KCNQ1: variants seen among roughly 807,000 people sequenced by gnomAD.
KCNQ1 encodes the protein potassium voltage-gated channel subfamily KQT member 1.
KCNQ1 carries 49 observed loss-of-function variants against 72.4 expected under a neutral mutation model. The ratio of observed to expected loss-of-function variants is 0.68; its 90% confidence interval spans 0.54 to 0.86. The LOEUF is 0.86. Among genes scored for constraint, KCNQ1 ranks in the 40% least tolerant of loss-of-function variants. The probability of loss-of-function intolerance (pLI) is 0.00; values close to 1 mark genes in which losing one functional copy is unlikely to be tolerated. For synonymous variants in KCNQ1, 450 were observed against 412.6 expected, an observed-to-expected ratio of 1.09 and a Z score of -1.10; for missense variants, 790 against 945.1, an observed-to-expected ratio of 0.84 and a Z score of 2.15.
rs1847942673 is a variant in KCNQ1, at chr11:2,549,184, C to T, written c.477+21166C>T. On this transcript the variant is annotated intron_variant, in intron 2 of 15. Coordinates refer to ENST00000155840, the MANE Select transcript of KCNQ1 (RefSeq NM_000218.3). This position sits in a 1 kb window ranked among gnomAD's most constrained non-coding sequence, Gnocchi z 6.2. ...AAATGATGATGTCTCAACCATGTGG[C>T]TTTAGGTCCCCAGCACGTGCTAGTG... 6.6e-6 allele frequency among the ~76,000 whole-genome samples: 1 copy of T among 152,174 alleles called. No homozygotes were observed. The highest frequency in any genetic ancestry group is 2.4e-5 in the African/African-American group (1 of 41,432).
intron 13 of KCNQ1, 43 bp downstream of exon 13, chr11:2,776,097 GC>G (rs755056715): frequency 6.8e-7 from 1 of 1,462,784 alleles, no homozygotes. Context: ...CCCAGGTCCT[GC>G]CCAGCCCGGC....
chr11:2,618,650 C>T (rs1849111599), intron 10 of KCNQ1: 1 of 398,476 alleles, frequency 2.5e-6, no homozygotes, highest in Admixed American at 4.4e-5. Flanking sequence ...TTTTTCAGAA[C>T]AGAATTTTCA....
intron 15 of KCNQ1, among the ~76,000 whole-genome samples, chr11:2,846,683 G>C (rs187756463): frequency 6.6e-6 from 1 of 152,358 alleles, no homozygotes; most frequent in East Asian, 1.9e-4. Flanking sequence ...GGGCCTTCCA[G>C]TCTCCCCATC....
At chr11:2,791,832 G>T (rs1177078183) in intron 15 of KCNQ1, among the ~76,000 whole-genome samples, 1 of 152,206 alleles carries the variant, frequency 6.6e-6, no homozygotes, top group African/African-American at 2.4e-5. Context: ...CCCTGGCTCC[G>T]AGCCCGCAGG....
intron 2 of KCNQ1, among the ~76,000 whole-genome samples, chr11:2,555,914 A>G (rs544301281): frequency 6.6e-6 from 1 of 152,194 alleles, no homozygotes; most frequent in Non-Finnish European, 1.5e-5. Context: ...GAGAAGCTTC[A>G]GGCCCTGAGG....
At chr11:2,587,816 T>G in intron 9 of KCNQ1, 124 bp downstream of exon 9, 1 of 1,368,738 alleles carries the variant, frequency 7.3e-7, no homozygotes, top group Non-Finnish European at 1.0e-6. Context: ...TGTCAGGGAG[T>G]CAGCATCGTT....
chr11:2,655,940 C>G (rs1300693748), intron 10 of KCNQ1: 1 of 398,592 alleles, frequency 2.5e-6, no homozygotes. Context: ...AGCACACATT[C>G]CTCTCTGGCA....
Position 2,468,870 on chromosome 11 carries a change from C to T in KCNQ1, c.386+23386C>T, listed in dbSNP as rs533189390. Among the ~76,000 whole-genome samples the T allele has an allele frequency of 1.3e-4, 20 of 151,822 alleles. No individual in the cohort carries two copies. The East Asian group carries it at 1.8e-3, about 13-fold the overall frequency. ...GCTAGGAATAGCTGGAGTCTCTGTG[C>T]GAGCAAATGCTTTTGCTTCTCTTGT... On this transcript the variant is annotated intron_variant, in intron 1 of 15. Coordinates refer to ENST00000155840, the MANE Select transcript of KCNQ1 (RefSeq NM_000218.3). This position sits in a 1 kb window ranked among gnomAD's most constrained non-coding sequence, Gnocchi z 5.7.
intron 10 of KCNQ1, chr11:2,640,478 G>C (rs1046249034): frequency 2.5e-6 from 1 of 398,232 alleles, no homozygotes; most frequent in Non-Finnish European, 4.4e-6. Context: ...TAGAGACAGG[G>C]TCGTGCATTG....
At chr11:2,794,300 C>G (rs551139948) in intron 15 of KCNQ1, among the ~76,000 whole-genome samples, 7 of 152,224 alleles carry the variant, frequency 4.6e-5, no homozygotes, top group Non-Finnish European at 8.8e-5. Flanking sequence ...AGAAGGACCC[C>G]GAGCTTCTGC....
chr11:2,835,315 C>T (rs1315235637), intron 15 of KCNQ1, among the ~76,000 whole-genome samples: 1 of 152,166 alleles, frequency 6.6e-6, no homozygotes, highest in African/African-American at 2.4e-5. Flanking sequence ...CTGCCACCTC[C>T]CTGGGGTTCT....
chr11:2,670,629 CATGGCAGAGGCCAGG>C lies in KCNQ1; in HGVS notation c.1514+8552_1514+8566del, dbSNP rs1850166282. 1 of 398,498 alleles carries C rather than the reference CATGGCAGAGGCCAGG, an allele frequency of 2.5e-6. No homozygotes were observed. Among genetic ancestry groups the C allele is most frequent in the East Asian group, 3.6e-5 (1 of 28,078 alleles). 24.7% of individuals were successfully genotyped at this position (398,498 alleles called of 1,614,324 possible). A position where few individuals can be genotyped will look rare whatever the true frequency, so the allele number is the denominator to read the frequency against. On this transcript the variant is annotated intron_variant, in intron 11 of 15. Transcript: ENST00000155840. The surrounding 1 kb of genome is among the most constrained non-coding windows in gnomAD (Gnocchi z 4.9). ...CAATCTCTGGGGGAGCCTGGATATG[CATGGCAGAGGCCAGG>C]ATGAACCCTGAAGATTGGTAGGAAG...
At chr11:2,609,291 A>G in intron 10 of KCNQ1, 1 of 398,370 alleles carries the variant, frequency 2.5e-6, no homozygotes, top group Non-Finnish European at 4.4e-6. Context: ...TGATTATTTA[A>G]GAATGTAGTG....
chr11:2,847,275 C>T (rs1252167712), intron 15 of KCNQ1, among the ~76,000 whole-genome samples: 1 of 152,232 alleles, frequency 6.6e-6, no homozygotes, highest in Non-Finnish European at 1.5e-5. Flanking sequence ...GAACTCTGCC[C>T]TCTGTCCAGT....
rs989047470 is a variant in KCNQ1, at chr11:2,447,759, G to A, written c.386+2275G>A. 6.6e-6 allele frequency among the ~76,000 whole-genome samples: 1 copy of A among 152,320 alleles called. No homozygotes were observed. The highest frequency in any genetic ancestry group is 1.5e-5 in the Non-Finnish European group (1 of 68,008). On this transcript the variant is annotated intron_variant, in intron 1 of 15. Coordinates refer to ENST00000155840, the MANE Select transcript of KCNQ1 (RefSeq NM_000218.3). This position sits in a 1 kb window ranked among gnomAD's most constrained non-coding sequence, Gnocchi z 7.6. ...GAAATATTGTGGTTTCTGGCCTGAA[G>A]ACGACAAGCCTGGCCTTGAAGAGCC... is the stretch of plus-strand genomic sequence containing the variant.
At chr11:2,527,184 A>G (rs1466447697) in intron 1 of KCNQ1, among the ~76,000 whole-genome samples, 1 of 152,072 alleles carries the variant, frequency 6.6e-6, no homozygotes, top group Non-Finnish European at 1.5e-5. Flanking sequence ...CCCTTTCATG[A>G]GTTCTGTGGC....
chr11:2,483,604 A>G lies in KCNQ1; in HGVS notation c.386+38120A>G, dbSNP rs1229597599. ...CTTTCGTGACCTTGATGTTTTAGAT[A>G]AGTACTGGGCGGCTGTTTTGTAGAA... On this transcript the variant is annotated intron_variant, in intron 1 of 15. Transcript: ENST00000155840. The surrounding 1 kb of genome is among the most constrained non-coding windows in gnomAD (Gnocchi z 6.1). Among the ~76,000 whole-genome samples the G allele has an allele frequency of 6.6e-6, 1 of 152,124 alleles. No individual in the cohort carries two copies. The highest frequency in any genetic ancestry group is 1.5e-5 in the Non-Finnish European group (1 of 68,016).
intron 11 of KCNQ1, chr11:2,686,195 A>C: frequency 2.5e-6 from 1 of 398,870 alleles, no homozygotes; most frequent in Non-Finnish European, 4.4e-6. Context: ...CATCCTGCCC[A>C]AAACCCTGCT....
In KCNQ1 at chr11:2,657,409, G is replaced by A. The variant is rs1172321575; in HGVS notation, c.1394-4552G>A. 4 of 398,466 alleles carry A rather than the reference G, an allele frequency of 1.0e-5. No individual in the cohort carries two copies. Among genetic ancestry groups the A allele is most frequent in the East Asian group, 7.1e-5 (2 of 28,058 alleles). The allele number at this position is 398,466 out of a possible 1,614,324, so 24.7% of individuals were successfully genotyped here. A position where few individuals can be genotyped will look rare whatever the true frequency, so the allele number is the denominator to read the frequency against. On this transcript the variant is annotated intron_variant, in intron 10 of 15. Coordinates refer to ENST00000155840, the MANE Select transcript of KCNQ1 (RefSeq NM_000218.3). The surrounding 1 kb of genome is among the most constrained non-coding windows in gnomAD (Gnocchi z 4.8). The stretch of plus-strand genomic sequence containing the variant: ...TACTAAAGTTTTACAATTTTCTCCA[G>A]AGTTCTTGCATATACTTAGTTAGAT...
Sources: allele counts gnomAD v4.1 joint callset (sites outside exome capture counted in the v4.1 genomes callset), GRCh38; gene constraint gnomAD v4.1.1; non-coding constraint Gnocchi (gnomAD v3.1); transcripts MANE v1.5; gene names NCBI Gene and HGNC (gene_info 2026-07-23, HGNC 2026-07-21).